The following MELTF variants were observed in gnomAD, a reference collection of about 807,000 sequenced individuals.
The protein encoded by MELTF is antigen p97 (melanoma associated) identified by monoclonal antibodies 133.2 and 96.5.
A neutral mutation model predicts 83.7 loss-of-function variants in MELTF; 67 were observed. That is an observed-to-expected ratio of 0.80 (90% CI 0.66 to 0.98). The LOEUF is 0.98. Among genes scored for constraint, MELTF ranks in the 50% least tolerant of loss-of-function variants. The pLI is 0.00. For missense variants in MELTF, 1,002 were observed against 1,035.6 expected (o/e 0.97, Z 0.44); for synonymous variants, 462 against 447.6 (o/e 1.03, Z -0.41).
chr3:197,026,872 T>A, intron 2 of MELTF, 113 bp from the exon 3 acceptor site: 1 of 802,014 alleles, frequency 1.2e-6, no homozygotes, highest in Non-Finnish European at 2.1e-6. Flanking sequence ...AGGGCTGTGC[T>A]GTCCTTCTCA....
Position 197,014,149 on chromosome 3 carries a change from C to T in MELTF, c.1233+1216G>A, listed in dbSNP as rs139047739. On this transcript the variant is annotated intron_variant, in intron 9 of 15. Coordinates refer to ENST00000296350, the MANE Select transcript of MELTF (RefSeq NM_005929.6). ...GGATGGATAGAGAAAATGTCATTGGCATGCACCGTGGAATACTATTTAGCC... is the reference window on the plus strand; with the variant it reads ...GGATGGATAGAGAAAATGTCATTGGTATGCACCGTGGAATACTATTTAGCC... 3.7e-3 allele frequency among the ~76,000 whole-genome samples: 570 copies of T among 152,268 alleles called. 4 individuals are homozygous for T. The highest frequency in any genetic ancestry group is 0.012 in the African/African-American group (491 of 41,544).
rs1051652545 is a variant in MELTF at position 197,023,158 on chromosome 3, G to GAGCCA, written c.488-50_488-46dup. ...AGGTCACTCAGCAGAACTTTCTTCA[G>GAGCCA]AGCCAAGCCAAGCCCCCAGGGTCAG... is the stretch of plus-strand genomic sequence containing the variant. On this transcript the variant is annotated intron_variant, in intron 4 of 15. Coordinates refer to ENST00000296350, the MANE Select transcript of MELTF (RefSeq NM_005929.6). The GAGCCA allele has an allele frequency of 3.7e-6, 6 of 1,606,788 alleles. No individual in the cohort carries two copies. The African/African-American group carries it at 5.4e-5, about 14-fold the overall frequency.
chr3:197,003,373 C>T lies in MELTF; in HGVS notation c.2216G>A (p.Ter739=). ...AGCTCTGGGGCGGGGCGGCCGGGCT[C>T]AGAGGGCGGGCGGGAGCAGGCGGGC... ...LAARLLPPAL[*] Residue 739 remains the stop codon, a stop_retained_variant, in exon 16 of 16, where the codon TGA becomes TAA. Transcript: ENST00000296350. The surrounding 1 kb of genome is among the most constrained non-coding windows in gnomAD (Gnocchi z 6.2). 1.9e-6 allele frequency: 2 copies of T among 1,074,448 alleles called. No individual in the cohort carries two copies. The highest frequency in any genetic ancestry group is 2.2e-6 in the Non-Finnish European group (2 of 888,992). 66.6% of individuals were successfully genotyped at this position (1,074,448 alleles called of 1,614,324 possible).
Position 197,027,739 on chromosome 3 carries a change from G to A in MELTF, c.204+17C>T. ...CACAGCCCTCTTGTCTGGCAGGGTG[G>A]AAGGGAGAGGACTCACCGCGATGAG... On this transcript the variant is annotated intron_variant, in intron 2 of 15. Coordinates refer to ENST00000296350, the MANE Select transcript of MELTF (RefSeq NM_005929.6). 2 of 1,594,616 alleles carry A rather than the reference G, an allele frequency of 1.3e-6. No individual in the cohort carries two copies. The highest frequency in any genetic ancestry group is 3.4e-5 in the Admixed American group (2 of 59,442).
At position 197,007,130 on chromosome 3, in the gene MELTF, G is replaced by A. The variant is rs1339627004; in HGVS notation, c.1751-394C>T. Reference sequence around the variant, plus strand: ...GTGTTACATCCTCAAGCCTGAGTGTGGGGTGGCTCCCTGAAGGTGGTGGGT... The same window carrying A: ...GTGTTACATCCTCAAGCCTGAGTGTAGGGTGGCTCCCTGAAGGTGGTGGGT... On this transcript the variant is annotated intron_variant, in intron 13 of 15. Coordinates refer to ENST00000296350, the MANE Select transcript of MELTF (RefSeq NM_005929.6). This position sits in a 1 kb window ranked among gnomAD's most constrained non-coding sequence, Gnocchi z 4.3. Among the ~76,000 whole-genome samples, 3 of 152,054 alleles carry A rather than the reference G, an allele frequency of 2.0e-5. No individual in the cohort carries two copies. The highest frequency in any genetic ancestry group is 4.4e-5 in the Non-Finnish European group (3 of 67,980).
rs1470743850 is a variant in MELTF at position 197,003,908 on chromosome 3, C to G, written c.2130G>C (p.Ser710=). Residue 710 remains serine, a synonymous_variant, in exon 15 of 16, where the codon TCG becomes TCC. Coordinates refer to ENST00000296350, the MANE Select transcript of MELTF (RefSeq NM_005929.6). The surrounding 1 kb of genome is among the most constrained non-coding windows in gnomAD (Gnocchi z 6.2). Reference sequence around the variant, plus strand: ...AGGGCGGGCCTGTCCTACCTGCGCCCGAGCACTGCTGAGACGACATCCCTT... The same window carrying G: ...AGGGCGGGCCTGTCCTACCTGCGCCGGAGCACTGCTGAGACGACATCCCTT... ...ALEGMSSQQC[S]GAAAPAPGAP... 3.1e-6 allele frequency: 5 copies of G among 1,613,510 alleles called. No homozygotes were observed. Among genetic ancestry groups the G allele is most frequent in the Middle Eastern group, 1.7e-4 (1 of 5,946 alleles).
chr3:197,011,626 C>T lies in MELTF; in HGVS notation c.1234-832G>A, dbSNP rs192259254. 1.4e-3 allele frequency among the ~76,000 whole-genome samples: 217 copies of T among 152,200 alleles called. No individual in the cohort carries two copies. The highest frequency in any genetic ancestry group is 2.2e-3 in the African/African-American group (92 of 41,524). ...TTTGGGGCCAGGAGGGTGCACAGCT[C>T]GGGGCCCTTTTTCCACCACTCAGAC... On this transcript the variant is annotated intron_variant, in intron 9 of 15. Coordinates refer to ENST00000296350, the MANE Select transcript of MELTF (RefSeq NM_005929.6). The surrounding 1 kb of genome is among the most constrained non-coding windows in gnomAD (Gnocchi z 4.2).
chr3:197,017,980 G>A (rs1178923105), intron 6 of MELTF, among the ~76,000 whole-genome samples: 1 of 152,232 alleles, frequency 6.6e-6, no homozygotes, highest in African/African-American at 2.4e-5. Flanking sequence ...GCAGGGGGCA[G>A]GGGGCAGGGC....
In MELTF at chr3:197,015,258, A is replaced by C; in HGVS notation, c.1233+107T>G. 4 of 1,305,384 alleles carry C rather than the reference A, an allele frequency of 3.1e-6. No individual in the cohort carries two copies. The South Asian group carries it at 5.7e-5, about 19-fold the overall frequency. The allele number at this position is 1,305,384 out of a possible 1,614,324, so 80.9% of individuals were successfully genotyped here. ...CCCGTCTCTGTGGGCTTGTTGCAGTAGACACTCTCCTCTTCCCCAGGCAGC... is the reference window on the plus strand; with the variant it reads ...CCCGTCTCTGTGGGCTTGTTGCAGTCGACACTCTCCTCTTCCCCAGGCAGC... On this transcript the variant is annotated intron_variant, in intron 9 of 15. Transcript: ENST00000296350.
rs200798879 is a variant in MELTF at position 197,024,528 on chromosome 3, T to A, written c.305-43A>T. ...TGGGTGAGGGCAGCAGGGAGAGGCCTCGAGAGAGGCTGCACCAGCACCCTG... is the reference window on the plus strand; with the variant it reads ...TGGGTGAGGGCAGCAGGGAGAGGCCACGAGAGAGGCTGCACCAGCACCCTG... On this transcript the variant is annotated intron_variant, in intron 3 of 15. Transcript: ENST00000296350. This position sits in a 1 kb window ranked among gnomAD's most constrained non-coding sequence, Gnocchi z 5.3. 1.4e-5 allele frequency: 22 copies of A among 1,518,440 alleles called. No homozygotes were observed. In the East Asian group the frequency reaches 4.2e-4, roughly 29 times the overall value. The allele number at this position is 1,518,440 out of a possible 1,614,324, so 94.1% of individuals were successfully genotyped here.
chr3:197,009,793 C>G lies in MELTF; in HGVS notation c.1350G>C (p.Ser450=). The G allele has an allele frequency of 1.9e-6, 3 of 1,611,470 alleles. No individual in the cohort carries two copies. Among genetic ancestry groups the G allele is most frequent in the Non-Finnish European group, 2.5e-6 (3 of 1,178,402 alleles). The part of the protein sequence containing the change: ...EHYAPEDSSN[S]YYVVAVVRRD... ...GTCTCACCACGGCCACCACGTAGTA[C>G]GAGTTGCTGCTGTCTTCCGCTGGGG... The change falls in exon 11 of 16, where the codon TCG becomes TCC. Residue 450 remains serine, a synonymous_variant. Transcript: ENST00000296350.
chr3:197,029,723 G>T lies in MELTF; in HGVS notation c.-21C>A. The T allele has an allele frequency of 8.1e-7, 1 of 1,233,172 alleles. No homozygotes were observed. Among genetic ancestry groups the T allele is most frequent in the Non-Finnish European group, 1.0e-6 (1 of 988,406 alleles). The allele number at this position is 1,233,172 out of a possible 1,614,324, so 76.4% of individuals were successfully genotyped here. A position where few individuals can be genotyped will look rare whatever the true frequency, so the allele number is the denominator to read the frequency against. On this transcript the variant is annotated 5_prime_UTR_variant, in exon 1 of 16. Coordinates refer to ENST00000296350, the MANE Select transcript of MELTF (RefSeq NM_005929.6). The surrounding 1 kb of genome is among the most constrained non-coding windows in gnomAD (Gnocchi z 6.5). ...CGCATGGCGCCGTCGGGGCTGGCTG[G>T]GGCCGGGCTGGGGCTGGGTCCGGGT... is the stretch of plus-strand genomic sequence containing the variant.
rs1718776726 is a variant in MELTF at position 197,002,519 on chromosome 3, GA to G, written c.*852del. ...GGAGCTCACCCCCGTTCGGAACCCA[GA>G]AGCATGGCGGGTCCCCACGCGCAGC... is the stretch of plus-strand genomic sequence containing the variant. On this transcript the variant is annotated 3_prime_UTR_variant, in exon 16 of 16. Transcript: ENST00000296350. 1 of 152,218 alleles carries G rather than the reference GA, an allele frequency of 6.6e-6. No homozygotes were observed. Among genetic ancestry groups the G allele is most frequent in the South Asian group, 2.1e-4 (1 of 4,830 alleles). The allele number at this position is 152,218 out of a possible 1,614,324, so 9.4% of individuals were successfully genotyped here. A position where few individuals can be genotyped will look rare whatever the true frequency, so the allele number is the denominator to read the frequency against.
In MELTF at chr3:197,016,227, T is replaced by C; in HGVS notation, c.1043A>G (p.Tyr348Cys). ...GAGCAGACCCTTCATGGCGTGCAGG[T>C]ACTCATGGCCCAGCCACGCCTCATA... ...QTYEAWLGHEYLHAMKGLLCD... is the reference protein window; with the variant it reads ...QTYEAWLGHECLHAMKGLLCD... The change falls in exon 8 of 16, where the codon TAC becomes TGC. Residue 348 changes from tyrosine (Y) to cysteine (C), a missense_variant. Tyr to Cys is a radical substitution (Grantham distance 194). Transcript: ENST00000296350. 6.3e-7 allele frequency: 1 copy of C among 1,597,086 alleles called. No homozygotes were observed. Among genetic ancestry groups the C allele is most frequent in the Non-Finnish European group, 8.5e-7 (1 of 1,171,914 alleles).
At position 197,022,950 on chromosome 3, in the gene MELTF, C is replaced by T. The variant is rs58329531; in HGVS notation, c.644+7G>A. 0.012 allele frequency: 19,391 copies of T among 1,603,586 alleles called. 329 individuals are homozygous for T. Among genetic ancestry groups the T allele is most frequent in the African/African-American group, 0.065 (4,822 of 74,546 alleles). ...CCTCGGCCCCTCCCTGCCCCCACTC[C>T]GCTCACCGGAAGGCCCCGCTGTAGT... On this transcript the variant is annotated splice_region_variant and intron_variant, in intron 5 of 15. Coordinates refer to ENST00000296350, the MANE Select transcript of MELTF (RefSeq NM_005929.6). This position sits in a 1 kb window ranked among gnomAD's most constrained non-coding sequence, Gnocchi z 5.1.
At chr3:197,017,407 G>T in intron 6 of MELTF, 117 bp from the exon 7 acceptor site, 2 of 944,486 alleles carry the variant, frequency 2.1e-6, no homozygotes, top group African/African-American at 1.7e-5. Flanking sequence ...TGAGAACCCA[G>T]CATTCAGAAG....
At position 197,001,865 on chromosome 3, in the gene MELTF, A is replaced by C. The variant is rs1718741444; in HGVS notation, c.*1507T>G. 1 of 152,194 alleles carries C rather than the reference A, an allele frequency of 6.6e-6. No individual in the cohort carries two copies. The highest frequency in any genetic ancestry group is 2.1e-4 in the South Asian group (1 of 4,830). 9.4% of individuals were successfully genotyped at this position (152,194 alleles called of 1,614,324 possible). A position where few individuals can be genotyped will look rare whatever the true frequency, so the allele number is the denominator to read the frequency against. On this transcript the variant is annotated 3_prime_UTR_variant, in exon 16 of 16. Coordinates refer to ENST00000296350, the MANE Select transcript of MELTF (RefSeq NM_005929.6). ...TGCTGCCACCTGACAATCCAGCGTC[A>C]CTTACACTGCACCCACGCAGGCCAC... is the stretch of plus-strand genomic sequence containing the variant.
At position 197,006,742 on chromosome 3, in the gene MELTF, G is replaced by T. The variant is rs187676756; in HGVS notation, c.1751-6C>A. 2.0e-6 allele frequency: 3 copies of T among 1,527,212 alleles called. No individual in the cohort carries two copies. The highest frequency in any genetic ancestry group is 2.6e-5 in the South Asian group (2 of 77,104). The allele number at this position is 1,527,212 out of a possible 1,614,324, so 94.6% of individuals were successfully genotyped here. On this transcript the variant is annotated splice_polypyrimidine_tract_variant and splice_region_variant and intron_variant, in intron 13 of 15. Coordinates refer to ENST00000296350, the MANE Select transcript of MELTF (RefSeq NM_005929.6). This position sits in a 1 kb window ranked among gnomAD's most constrained non-coding sequence, Gnocchi z 5.4. ...CCAGGGCTCGGAATTGTGGCCTGAGGGGGGTAAAGCAGTGTGTGTGGGGAC... is the reference window on the plus strand; with the variant it reads ...CCAGGGCTCGGAATTGTGGCCTGAGTGGGGTAAAGCAGTGTGTGTGGGGAC...
chr3:197,018,699 C>T (rs1719499728), intron 6 of MELTF, among the ~76,000 whole-genome samples: 1 of 152,196 alleles, frequency 6.6e-6, no homozygotes, highest in African/African-American at 2.4e-5. Flanking sequence ...CCAGCCTCGG[C>T]CTCCCAAAGT....
Sources: allele counts gnomAD v4.1 joint callset (sites outside exome capture counted in the v4.1 genomes callset), GRCh38; gene constraint gnomAD v4.1.1; non-coding constraint Gnocchi (gnomAD v3.1); transcripts MANE v1.5; gene names NCBI Gene and HGNC (gene_info 2026-07-23, HGNC 2026-07-21).